The following TTPA variants were observed in gnomAD, a reference collection of about 807,000 sequenced individuals.
TTPA encodes the protein alpha-tocopherol transfer protein.
Under a neutral mutation model 25.9 loss-of-function variants are expected in TTPA, and 23 were observed. The ratio of observed to expected loss-of-function variants is 0.89; its 90% CI spans 0.64 to 1.26. The LOEUF is 1.26. Among genes scored for constraint, TTPA ranks in the 50% most tolerant of loss-of-function variants. The probability of loss-of-function intolerance (pLI) is 0.00; values close to 1 mark genes in which losing one functional copy is unlikely to be tolerated. For synonymous variants in TTPA, 148 were observed against 137.3 expected, an observed-to-expected ratio of 1.08 and a Z score of -0.54; for missense variants, 337 against 353.1, an observed-to-expected ratio of 0.95 and a Z score of 0.37.
chr8:63,076,519 C>A (rs1220677106), intron 1 of TTPA, among the ~76,000 whole-genome samples: 2 of 152,150 alleles, frequency 1.3e-5, no homozygotes, highest in East Asian at 3.8e-4. Flanking sequence ...AACTTGATTT[C>A]TATGCGGTGG....
intron 1 of TTPA, among the ~76,000 whole-genome samples, chr8:63,077,782 T>C (rs999517903): frequency 6.6e-6 from 1 of 152,210 alleles, no homozygotes; most frequent in Non-Finnish European, 1.5e-5. Context: ...TAAACGTCCC[T>C]GTCTGACAGT....
At chr8:63,082,949 G>A (rs566297068) in intron 1 of TTPA, among the ~76,000 whole-genome samples, 72 of 152,238 alleles carry the variant, frequency 4.7e-4, no homozygotes, top group African/African-American at 1.5e-3. Flanking sequence ...ACTATCTCAC[G>A]CCAGTTAGAA....
intron 1 of TTPA, 117 bp downstream of exon 1, chr8:63,085,701 C>A: frequency 7.7e-7 from 1 of 1,303,096 alleles, no homozygotes; most frequent in African/African-American, 1.5e-5. Context: ...GCGCGTTACC[C>A]GCCAGGGTCC....
intron 4 of TTPA, among the ~76,000 whole-genome samples, chr8:63,062,751 C>T (rs1805327955): frequency 6.6e-6 from 1 of 152,084 alleles, no homozygotes; most frequent in Non-Finnish European, 1.5e-5. Context: ...TCCATATTCT[C>T]CTATTTCTTA....
intron 1 of TTPA, 75 bp downstream of exon 1, chr8:63,085,743 A>T: frequency 6.7e-7 from 1 of 1,493,640 alleles, no homozygotes; most frequent in East Asian, 2.6e-5. Context: ...CAGGGGTCAG[A>T]TATCCGGGGT....
chr8:63,085,947 C>A lies in TTPA; in HGVS notation c.75G>T (p.Gln25His), dbSNP rs751638180. 2 of 1,523,634 alleles carry A rather than the reference C, an allele frequency of 1.3e-6. No homozygotes were observed. The highest frequency in any genetic ancestry group is 5.1e-5 in the East Asian group (2 of 39,462). 94.4% of individuals were successfully genotyped at this position (1,523,634 alleles called of 1,614,324 possible). The part of the protein sequence containing the change: ...NALPDHSPLL[Q>H]PGLAALRRRA... Reference sequence around the variant, plus strand: ...GGCGCCGCAGCGCCGCCAGGCCCGGCTGCAGCAACGGAGAGTGGTCCGGTA... The same window carrying A: ...GGCGCCGCAGCGCCGCCAGGCCCGGATGCAGCAACGGAGAGTGGTCCGGTA... The change falls in exon 1 of 5, where the codon CAG becomes CAT. Residue 25 changes from glutamine to histidine, a missense_variant. Transcript: ENST00000260116.
At chr8:63,077,559 A>G (rs968059249) in intron 1 of TTPA, among the ~76,000 whole-genome samples, 2 of 152,196 alleles carry the variant, frequency 1.3e-5, no homozygotes, top group Non-Finnish European at 2.9e-5. Context: ...GCTCACTGCT[A>G]GCGTGGCAGT....
At chr8:63,063,278 C>T (rs1334228307) in intron 4 of TTPA, among the ~76,000 whole-genome samples, 1 of 152,098 alleles carries the variant, frequency 6.6e-6, no homozygotes, top group African/African-American at 2.4e-5. Flanking sequence ...GAATGGTTGC[C>T]ATTCTTGAGA....
intron 1 of TTPA, among the ~76,000 whole-genome samples, chr8:63,074,450 G>T (rs1805531647): frequency 6.6e-6 from 1 of 151,890 alleles, no homozygotes; most frequent in Non-Finnish European, 1.5e-5. Context: ...TCTTAACTTT[G>T]AAAAAAGAGA....
At chr8:63,061,480 A>C in intron 4 of TTPA, 55 bp from the exon 5 acceptor site, 1 of 1,523,826 alleles carries the variant, frequency 6.6e-7, no homozygotes, top group Non-Finnish European at 9.1e-7. Flanking sequence ...TTTCCAGTGG[A>C]AAATCAACCT....
At chr8:63,084,062 T>A (rs1320368849) in intron 1 of TTPA, among the ~76,000 whole-genome samples, 1 of 151,924 alleles carries the variant, frequency 6.6e-6, no homozygotes, top group Non-Finnish European at 1.5e-5. Context: ...TTTTTGTTAT[T>A]TTTTGTAGAG....
In TTPA at chr8:63,085,820, G is replaced by C. The variant is rs973874631; in HGVS notation, c.202C>G (p.Arg68Gly). The C allele has an allele frequency of 2.6e-6, 4 of 1,535,396 alleles. No homozygotes were observed. The Admixed American group carries it at 5.9e-5, about 23-fold the overall frequency. ...GCGCCCTGGGCACGCACGCTTACCCGCCAGGCCAGGTCCAGATCGAAATCC... is the reference window on the plus strand; with the variant it reads ...GCGCCCTGGGCACGCACGCTTACCCCCCAGGCCAGGTCCAGATCGAAATCC... Reference protein sequence around the residue: ...ARDFDLDLAWRLLKNYYKWRA... With the variant: ...ARDFDLDLAWGLLKNYYKWRA... Residue 68 changes from arginine to glycine, a missense_variant and splice_region_variant, in exon 1 of 5, where the codon CGG becomes GGG. Arg to Gly is a moderately radical substitution (Grantham distance 125, BLOSUM62 -2). Coordinates refer to ENST00000260116, the MANE Select transcript of TTPA (RefSeq NM_000370.3).
chr8:63,067,167 T>C (rs942791501), intron 2 of TTPA, among the ~76,000 whole-genome samples: 17 of 152,168 alleles, frequency 1.1e-4, no homozygotes, highest in African/African-American at 3.6e-4. Flanking sequence ...CATTGAGATA[T>C]TAGAAATAAA....
At chr8:63,081,577 G>A (rs567572904) in intron 1 of TTPA, among the ~76,000 whole-genome samples, 148 of 152,174 alleles carry the variant, frequency 9.7e-4, no homozygotes, top group Non-Finnish European at 1.8e-3. Flanking sequence ...TTTGAAAACC[G>A]GCACAGGACA....
At chr8:63,067,800 C>T (rs1008213545) in intron 2 of TTPA, among the ~76,000 whole-genome samples, 2 of 152,148 alleles carry the variant, frequency 1.3e-5, no homozygotes, top group Non-Finnish European at 2.9e-5. Flanking sequence ...CCAGTGTCTA[C>T]TGTTCCCATC....
chr8:63,064,438 C>T (rs1585687141), intron 3 of TTPA, 122 bp from the exon 4 acceptor site: 4 of 697,008 alleles, frequency 5.7e-6, no homozygotes, highest in East Asian at 5.6e-5. Flanking sequence ...GTGATTTTAT[C>T]TTCAAAATTA....
At chr8:63,071,913 T>C (rs1805489302) in intron 2 of TTPA, among the ~76,000 whole-genome samples, 1 of 152,156 alleles carries the variant, frequency 6.6e-6, no homozygotes, top group Non-Finnish European at 1.5e-5. Context: ...CATTTTGTTA[T>C]AGTGGCCTGA....
intron 1 of TTPA, among the ~76,000 whole-genome samples, chr8:63,079,008 C>G (rs1395266612): frequency 6.6e-6 from 1 of 152,182 alleles, no homozygotes; most frequent in Non-Finnish European, 1.5e-5. Context: ...ACCCTACAAA[C>G]CAGAAGAGAG....
chr8:63,065,251 T>C (rs1276596933), intron 3 of TTPA, among the ~76,000 whole-genome samples: 1 of 152,208 alleles, frequency 6.6e-6, no homozygotes, highest in African/African-American at 2.4e-5. Context: ...GAATTCTCAC[T>C]TCACTACTGG....
Sources: allele counts gnomAD v4.1 joint callset (sites outside exome capture counted in the v4.1 genomes callset), GRCh38; gene constraint gnomAD v4.1.1; transcripts MANE v1.5; gene names NCBI Gene and HGNC (gene_info 2026-07-23, HGNC 2026-07-21).